The following ABR variants were observed in gnomAD, a reference collection of about 807,000 sequenced individuals.
ABR encodes ABR activator of RhoGEF and GTPase, also known as active breakpoint cluster region-related protein.
A neutral mutation model predicts 107.2 loss-of-function variants in ABR; 35 were observed. That is an observed-to-expected ratio of 0.33 (90% confidence interval 0.25 to 0.43). The LOEUF (loss-of-function observed/expected upper bound fraction) is 0.43. ABR is among the 20% of genes least tolerant of loss of function. The pLI, the probability that ABR is intolerant of heterozygous loss-of-function variation, is 1.00. For synonymous variants in ABR, 498 were observed against 462.0 expected, an observed-to-expected ratio of 1.08 and a Z score of -1.00; for missense variants, 815 against 1,115.2, an observed-to-expected ratio of 0.73 and a Z score of 3.83.
At position 1,148,011 on chromosome 17, in the gene ABR, G is replaced by A. The variant is rs1214252608; in HGVS notation, c.62-22644C>T. On this transcript the variant is annotated intron_variant, in intron 1 of 22. Transcript: ENST00000302538. The surrounding 1 kb of genome is among the most constrained non-coding windows in gnomAD (Gnocchi z 4.9). ...AGGGCCACGCCTTCCCAGCCAGCAT[G>A]ATGGCCCCAGGCTGGTCAATGACCC... Among the ~76,000 whole-genome samples the A allele has an allele frequency of 6.6e-6, 1 of 152,158 alleles. No individual in the cohort carries two copies. Among genetic ancestry groups the A allele is most frequent in the African/African-American group, 2.4e-5 (1 of 41,434 alleles).
chr17:1,218,117 T>G (rs1234706799), intron 1 of ABR, among the ~76,000 whole-genome samples: 1 of 152,216 alleles, frequency 6.6e-6, no homozygotes, highest in Non-Finnish European at 1.5e-5. Flanking sequence ...CAGTAGCTGT[T>G]TTCATTTATA....
chr17:1,073,750 TCGTCC>T, intron 6 of ABR, 73 bp from the exon 7 acceptor site: 1 of 1,378,598 alleles, frequency 7.3e-7, no homozygotes, highest in Non-Finnish European at 9.9e-7. Flanking sequence ...GAGACCAGCT[TCGTCC>T]CCCCACCCGC....
intron 1 of ABR, among the ~76,000 whole-genome samples, chr17:1,217,667 T>A (rs888703544): frequency 6.6e-6 from 1 of 152,164 alleles, no homozygotes; most frequent in Middle Eastern, 3.2e-3. Flanking sequence ...ACCCAGGCAA[T>A]GTGGTCCTAG....
intron 16 of ABR, among the ~76,000 whole-genome samples, chr17:1,022,106 CAAA>C (rs759234729): frequency 5.1e-5 from 2 of 39,224 alleles, no homozygotes; most frequent in African/African-American, 1.5e-4. Flanking sequence ...GACTCTGTCT[CAAA>C]AAAAAAAAAA....
chr17:1,178,963 A>G (rs1334264175), intron 1 of ABR, among the ~76,000 whole-genome samples: 1 of 149,902 alleles, frequency 6.7e-6, no homozygotes, highest in Non-Finnish European at 1.5e-5. Flanking sequence ...CATGATCCAG[A>G]GAGATTTGGG....
At chr17:1,061,967 G>C (rs1382661089) in intron 10 of ABR, among the ~76,000 whole-genome samples, 1 of 152,196 alleles carries the variant, frequency 6.6e-6, no homozygotes, top group Admixed American at 6.5e-5. Context: ...TTACAATTCA[G>C]TACCATTTAA....
chr17:1,118,321 T>A (rs1318492946), intron 2 of ABR, among the ~76,000 whole-genome samples: 1 of 46,712 alleles, frequency 2.1e-5, no homozygotes, highest in African/African-American at 1.0e-4. Flanking sequence ...CCCAGCGTTA[T>A]CCCTGAGCCT....
intron 10 of ABR, 49 bp from the exon 11 acceptor site, chr17:1,058,916 TCACGAGCAG>T (rs763475549): frequency 6.2e-7 from 1 of 1,609,328 alleles, no homozygotes; most frequent in African/African-American, 1.3e-5. Context: ...CGGGCCTTTC[TCACGAGCAG>T]CACTAAGCAC....
intron 1 of ABR, among the ~76,000 whole-genome samples, chr17:1,207,120 G>A (rs1224895003): frequency 4.0e-5 from 6 of 151,310 alleles, no homozygotes; most frequent in African/African-American, 1.2e-4. Flanking sequence ...ATTGTGGTTC[G>A]TGCCTATAGT....
intron 1 of ABR, among the ~76,000 whole-genome samples, chr17:1,222,375 G>A (rs1392932738): frequency 6.6e-6 from 1 of 152,014 alleles, no homozygotes; most frequent in African/African-American, 2.4e-5. Flanking sequence ...GGCCTCAAAT[G>A]GCTTCTTAAT....
intron 16 of ABR, among the ~76,000 whole-genome samples, chr17:1,016,983 A>G (rs551658204): frequency 3.3e-4 from 50 of 152,032 alleles, no homozygotes; most frequent in Admixed American, 1.6e-3. Context: ...TATCACCCAC[A>G]CACCGGCTGG....
chr17:1,044,275 G>C (rs935900027), intron 16 of ABR, among the ~76,000 whole-genome samples: 4 of 152,224 alleles, frequency 2.6e-5, no homozygotes, highest in African/African-American at 9.7e-5. Context: ...AACAAGCTCT[G>C]TGACCGCGGC....
intron 1 of ABR, among the ~76,000 whole-genome samples, chr17:1,206,548 G>A (rs1462123708): frequency 1.3e-5 from 2 of 152,112 alleles, no homozygotes; most frequent in African/African-American, 4.8e-5. Context: ...TTTGGAAACT[G>A]AAAAGTGGAA....
intron 20 of ABR, 124 bp from the exon 21 acceptor site, chr17:1,009,908 C>A: frequency 1.2e-6 from 1 of 809,514 alleles, no homozygotes; most frequent in Non-Finnish European, 2.0e-6. Context: ...GGGGAGCAGA[C>A]CCCACAGGGG....
intron 1 of ABR, among the ~76,000 whole-genome samples, chr17:1,132,741 A>T (rs1200646294): frequency 6.6e-6 from 1 of 152,216 alleles, no homozygotes; most frequent in East Asian, 1.9e-4. Flanking sequence ...TGTGTAAGGG[A>T]AATGAACAGA....
intron 1 of ABR, among the ~76,000 whole-genome samples, chr17:1,168,288 G>A (rs959114970): frequency 2.0e-5 from 3 of 152,110 alleles, no homozygotes; most frequent in South Asian, 2.1e-4. Context: ...CGACAAGAGC[G>A]AGACTCTGTC....
At chr17:1,165,759 A>G (rs1567849036) in intron 1 of ABR, among the ~76,000 whole-genome samples, 1 of 152,070 alleles carries the variant, frequency 6.6e-6, no homozygotes, top group African/African-American at 2.4e-5. Flanking sequence ...TCTCGAACTC[A>G]TGACCTCAGG....
At chr17:1,127,194 T>C (rs2039639520) in intron 1 of ABR, among the ~76,000 whole-genome samples, 1 of 152,184 alleles carries the variant, frequency 6.6e-6, no homozygotes, top group Admixed American at 6.5e-5. Context: ...GTTTTTTCCC[T>C]AGACAGGGTT....
At chr17:1,144,956 T>A (rs957114044) in intron 1 of ABR, among the ~76,000 whole-genome samples, 1 of 151,784 alleles carries the variant, frequency 6.6e-6, no homozygotes, top group Admixed American at 6.6e-5. Flanking sequence ...GAGGTGGAGG[T>A]TGCAGTAGGC....
Sources: allele counts gnomAD v4.1 joint callset (sites outside exome capture counted in the v4.1 genomes callset), GRCh38; gene constraint gnomAD v4.1.1; non-coding constraint Gnocchi (gnomAD v3.1); transcripts MANE v1.5; gene names NCBI Gene and HGNC (gene_info 2026-07-23, HGNC 2026-07-21).